SGCD: variants seen among roughly 807,000 people sequenced by gnomAD.
SGCD encodes sarcoglycan delta.
SGCD carries 18 observed loss-of-function variants against 36.6 expected under a neutral mutation model. The observed-to-expected ratio is 0.49, with a 90% confidence interval of 0.34 to 0.73. The LOEUF is 0.73. SGCD is among the 30% of genes least tolerant of loss of function. The pLI is 0.01. For synonymous variants in SGCD, 133 were observed against 130.6 expected, an observed-to-expected ratio of 1.02 and a Z score of -0.12; for missense variants, 387 against 346.7, an observed-to-expected ratio of 1.12 and a Z score of -0.92.
At chr5:156,101,577 T>A (rs1761516643) in intron 1 of SGCD, among the ~76,000 whole-genome samples, 1 of 152,184 alleles carries the variant, frequency 6.6e-6, no homozygotes, top group Admixed American at 6.5e-5. Context: ...TGTCTATATC[T>A]TTTGTATTTG....
At chr5:155,837,130 T>C in the SGCD span, among the ~76,000 whole-genome samples, 1 of 152,188 alleles carries the variant, frequency 6.6e-6, no homozygotes, top group Non-Finnish European at 1.5e-5. Context: ...TAATGGCTAC[T>C]AGGATTTTTA....
intron 3 of SGCD, among the ~76,000 whole-genome samples, chr5:156,392,284 T>C (rs1039199621): frequency 4.6e-5 from 7 of 152,192 alleles, no homozygotes; most frequent in Non-Finnish European, 8.8e-5. Context: ...TTCAACCTCT[T>C]AGAGCCTACA....
rs1323111676 is a variant in SGCD at position 156,114,796 on chromosome 5, T to A, written c.-281-3082T>A. Among the ~76,000 whole-genome samples the A allele has an allele frequency of 2.6e-5, 4 of 152,290 alleles. No individual in the cohort carries two copies. The East Asian group carries it at 7.7e-4, about 29-fold the overall frequency. On this transcript the variant is annotated intron_variant, in intron 1 of 9. Transcript: ENST00000517913. ...TCAAAATGTTTAAAGATATATTGAT[T>A]AATGTTCTTACAGGCCTTGCCATAG... is the stretch of plus-strand genomic sequence containing the variant.
intron 3 of SGCD, among the ~76,000 whole-genome samples, chr5:156,506,578 G>A (rs116609759): frequency 0.015 from 2,247 of 152,202 alleles, 54 homozygotes; most frequent in African/African-American, 0.052. Context: ...AAGCAAAAGG[G>A]CCATCAAAGA....
intron 3 of SGCD, among the ~76,000 whole-genome samples, chr5:156,311,654 T>C (rs1045345678): frequency 2.0e-5 from 3 of 152,158 alleles, no homozygotes; most frequent in African/African-American, 7.2e-5. Context: ...CTGTGCTCCA[T>C]TACCCTCCTC....
intron 3 of SGCD, among the ~76,000 whole-genome samples, chr5:156,350,086 G>A (rs1769160489): frequency 6.6e-6 from 1 of 151,346 alleles, no homozygotes; most frequent in African/African-American, 2.4e-5. Context: ...CTCAGAAGAG[G>A]AGAGGGTGGG....
chr5:156,018,312 C>G (rs1759028686), intron 1 of SGCD, among the ~76,000 whole-genome samples: 1 of 152,160 alleles, frequency 6.6e-6, no homozygotes, highest in African/African-American at 2.4e-5. Context: ...CAAATATCCG[C>G]TAGTGTCTGT....
At chr5:156,600,329 A>G in intron 6 of SGCD, among the ~76,000 whole-genome samples, 1 of 152,190 alleles carries the variant, frequency 6.6e-6, no homozygotes, top group East Asian at 1.9e-4. Context: ...TCCCCTCCCA[A>G]TTTATGGTAA....
At chr5:156,519,395 G>C (rs560344077) in intron 4 of SGCD, among the ~76,000 whole-genome samples, 1 of 151,476 alleles carries the variant, frequency 6.6e-6, no homozygotes, top group African/African-American at 2.4e-5. Flanking sequence ...CAACAAAAAA[G>C]AAAAAGCCCA....
intron 1 of SGCD, among the ~76,000 whole-genome samples, chr5:155,925,617 T>C (rs575524800): frequency 6.6e-6 from 1 of 152,306 alleles, no homozygotes; most frequent in East Asian, 1.9e-4. Flanking sequence ...TCTTCCTTTA[T>C]TTATTTTTTA....
At chr5:156,388,015 C>T (rs1771364230) in intron 3 of SGCD, among the ~76,000 whole-genome samples, 1 of 152,172 alleles carries the variant, frequency 6.6e-6, no homozygotes, top group African/African-American at 2.4e-5. Flanking sequence ...AGGTATGAAG[C>T]TGTGCTAAAT....
In SGCD at chr5:156,649,739, A is replaced by G. The variant is rs374690834; in HGVS notation, c.575+2203A>G. ...GGTGGGGGGAGAGGGGAGGGATAGC[A>G]TTAGGAGATATACCTAATGTTAAAT... On this transcript the variant is annotated intron_variant, in intron 7 of 8. Coordinates refer to ENST00000337851, the MANE Select transcript of SGCD (RefSeq NM_000337.6). Among the ~76,000 whole-genome samples the G allele has an allele frequency of 6.4e-4, 97 of 152,104 alleles. No individual in the cohort carries two copies. The South Asian group carries it at 0.016, about 25-fold the overall frequency.
At chr5:155,832,084 TAG>T in the SGCD span, among the ~76,000 whole-genome samples, 1 of 152,186 alleles carries the variant, frequency 6.6e-6, no homozygotes, top group African/African-American at 2.4e-5. Flanking sequence ...TTATTTTTAT[TAG>T]GGAAAAATCT....
chr5:156,540,837 T>C (rs1193380710), intron 4 of SGCD, among the ~76,000 whole-genome samples: 2 of 152,168 alleles, frequency 1.3e-5, no homozygotes, highest in African/African-American at 4.8e-5. Flanking sequence ...AAAGATGTAT[T>C]GGGCATCCCC....
Position 156,146,045 on chromosome 5 carries a change from C to T in SGCD, c.-44+22026C>T, listed in dbSNP as rs532666466. Among the ~76,000 whole-genome samples, 3 of 152,112 alleles carry T rather than the reference C, an allele frequency of 2.0e-5. No homozygotes were observed. In the South Asian group the frequency reaches 6.2e-4, roughly 32 times the overall value. ...TGGCTAACATGGTGAAACCCCGTCA[C>T]TACTAAAAATACAAAAAATTAGCTG... On this transcript the variant is annotated intron_variant, in intron 3 of 9. Coordinates refer to the SGCD transcript ENST00000517913.
At chr5:156,200,772 A>G (rs1384902132) in intron 3 of SGCD, among the ~76,000 whole-genome samples, 1 of 152,176 alleles carries the variant, frequency 6.6e-6, no homozygotes, top group Non-Finnish European at 1.5e-5. Context: ...CAGAATCTCA[A>G]AGACATATTC....
intron 1 of SGCD, among the ~76,000 whole-genome samples, chr5:156,015,180 G>C (rs931351069): frequency 6.6e-6 from 1 of 152,070 alleles, no homozygotes; most frequent in Non-Finnish European, 1.5e-5. Context: ...ACATTCATTA[G>C]GTTCTCTAAA....
the SGCD span, among the ~76,000 whole-genome samples, chr5:155,771,755 TTGC>T: frequency 1.3e-5 from 2 of 152,058 alleles, no homozygotes; most frequent in Non-Finnish European, 2.9e-5. Context: ...TCTCCCTATG[TTGC>T]CCAGGGTGGT....
chr5:155,796,087 C>G, the SGCD span, among the ~76,000 whole-genome samples: 1 of 152,142 alleles, frequency 6.6e-6, no homozygotes, highest in South Asian at 2.1e-4. Context: ...TATTGAAGAT[C>G]TGAACAGTAA....
Sources: allele counts gnomAD v4.1 joint callset (sites outside exome capture counted in the v4.1 genomes callset), GRCh38; gene constraint gnomAD v4.1.1; transcripts MANE v1.5; gene names NCBI Gene and HGNC (gene_info 2026-07-23, HGNC 2026-07-21).